RNF150: variants seen among roughly 807,000 people sequenced by gnomAD.
RNF150 encodes ring finger protein 150.
RNF150 carries 24 observed loss-of-function variants against 39.3 expected under a neutral mutation model. The observed-to-expected ratio is 0.61, with a 90% CI of 0.44 to 0.86. The LOEUF (loss-of-function observed/expected upper bound fraction) is 0.86. RNF150 is among the 40% of genes least tolerant of loss of function. The probability of loss-of-function intolerance (pLI) is 0.00; values close to 1 mark genes in which losing one functional copy is unlikely to be tolerated. For synonymous variants in RNF150, 255 were observed against 227.3 expected, an observed-to-expected ratio of 1.12 and a Z score of -1.10; for missense variants, 502 against 587.8, an observed-to-expected ratio of 0.85 and a Z score of 1.51.
At chr4:141,127,406 C>T (rs1208609042) in intron 1 of RNF150, among the ~76,000 whole-genome samples, 1 of 152,120 alleles carries the variant, frequency 6.6e-6, no homozygotes, top group African/African-American at 2.4e-5. Flanking sequence ...CAAAAGTACA[C>T]ATAAATATTC....
In RNF150 at chr4:141,000,001, A is replaced by C. The variant is rs1466139681; in HGVS notation, c.485-32128T>G. ...AAAAGAAGAAAAGAAGAAAAGAAGA[A>C]GAAGAAGAAGAAGAAGAAGAAGAAG... On this transcript the variant is annotated intron_variant, in intron 1 of 6. Coordinates refer to ENST00000515673, the MANE Select transcript of RNF150 (RefSeq NM_020724.2). 1.6e-4 allele frequency among the ~76,000 whole-genome samples: 5 copies of C among 30,362 alleles called. 1 individual carries two copies. Among genetic ancestry groups the C allele is most frequent in the Admixed American group, 7.8e-4 (2 of 2,576 alleles). The allele number at this position is 30,362 out of a possible 152,430, so 19.9% of individuals were successfully genotyped here. A position where few individuals can be genotyped will look rare whatever the true frequency, so the allele number is the denominator to read the frequency against.
At chr4:141,118,559 A>G (rs560947824) in intron 1 of RNF150, among the ~76,000 whole-genome samples, 7 of 152,264 alleles carry the variant, frequency 4.6e-5, no homozygotes, top group African/African-American at 1.2e-4. Flanking sequence ...CTGGGCCCCA[A>G]TCAGGCCCAA....
Position 140,865,352 on chromosome 4 carries a change from T to C in RNF150, c.*2909A>G, listed in dbSNP as rs1348865326. ...GTTGGACAGTGCTAGTCTAGACTCT[T>C]GCTATAGAAAAATGCACATCTGCAA... On this transcript the variant is annotated 3_prime_UTR_variant, in exon 7 of 7. Coordinates refer to ENST00000515673, the MANE Select transcript of RNF150 (RefSeq NM_020724.2). 6.6e-6 allele frequency: 1 copy of C among 152,454 alleles called. No individual in the cohort carries two copies. The allele number at this position is 152,454 out of a possible 1,614,324, so 9.4% of individuals were successfully genotyped here. A position where few individuals can be genotyped will look rare whatever the true frequency, so the allele number is the denominator to read the frequency against.
chr4:140,898,577 G>T lies in RNF150; in HGVS notation c.1198+12567C>A, dbSNP rs566957495. On this transcript the variant is annotated intron_variant, in intron 6 of 6. Transcript: ENST00000515673. ...GTTATAGGTTTATGTTCCTACATAG[G>T]TGCATGGGCACACTTGGTATACAGA... 3.9e-5 allele frequency among the ~76,000 whole-genome samples: 6 copies of T among 152,320 alleles called. No homozygotes were observed. The East Asian group carries it at 1.2e-3, about 29-fold the overall frequency.
intron 1 of RNF150, among the ~76,000 whole-genome samples, chr4:141,060,665 C>T (rs1231333907): frequency 6.6e-6 from 1 of 152,008 alleles, no homozygotes; most frequent in Non-Finnish European, 1.5e-5. Flanking sequence ...ATATGAAAAA[C>T]CCCTACTATA....
intron 1 of RNF150, among the ~76,000 whole-genome samples, chr4:141,147,781 C>T (rs1211404651): frequency 6.6e-6 from 1 of 152,080 alleles, no homozygotes; most frequent in Non-Finnish European, 1.5e-5. Flanking sequence ...AGGCAGATTT[C>T]AGAGGGGAGG....
intron 1 of RNF150, among the ~76,000 whole-genome samples, chr4:141,188,146 C>G (rs1728045306): frequency 6.6e-6 from 1 of 152,278 alleles, no homozygotes; most frequent in East Asian, 1.9e-4. Flanking sequence ...GTTGAAAATT[C>G]TTTTCTTTAA....
intron 1 of RNF150, among the ~76,000 whole-genome samples, chr4:141,014,958 A>C (rs1352585492): frequency 6.6e-6 from 1 of 151,710 alleles, no homozygotes; most frequent in Admixed American, 6.6e-5. Flanking sequence ...TTCAGGTTTT[A>C]TATTTAAGTT....
intron 1 of RNF150, among the ~76,000 whole-genome samples, chr4:141,181,915 C>A (rs1560771092): frequency 6.6e-6 from 1 of 152,096 alleles, no homozygotes. Flanking sequence ...TTGGGATGTA[C>A]CTTGACTGGT....
intron 1 of RNF150, among the ~76,000 whole-genome samples, chr4:141,029,935 G>A (rs1035016230): frequency 8.5e-5 from 13 of 152,152 alleles, no homozygotes; most frequent in Non-Finnish European, 1.6e-4. Flanking sequence ...GGTGGCTCAC[G>A]CCTGTAATCT....
At chr4:141,152,050 C>T (rs968600612) in intron 1 of RNF150, among the ~76,000 whole-genome samples, 3 of 152,058 alleles carry the variant, frequency 2.0e-5, no homozygotes, top group Non-Finnish European at 4.4e-5. Flanking sequence ...ATAAAATTGT[C>T]ATTTGATCAA....
At chr4:141,036,049 C>T (rs1413527405) in intron 1 of RNF150, among the ~76,000 whole-genome samples, 2 of 152,040 alleles carry the variant, frequency 1.3e-5, no homozygotes, top group Admixed American at 1.3e-4. Context: ...GCCAGGAGGG[C>T]CTTTATGACT....
chr4:141,053,933 T>C (rs1036240602), intron 1 of RNF150, among the ~76,000 whole-genome samples: 8 of 152,154 alleles, frequency 5.3e-5, no homozygotes, highest in African/African-American at 1.9e-4. Flanking sequence ...AGAATTGAGA[T>C]GTCCTATATT....
intron 1 of RNF150, among the ~76,000 whole-genome samples, chr4:141,204,845 T>G (rs997697829): frequency 1.3e-5 from 2 of 152,216 alleles, no homozygotes; most frequent in African/African-American, 2.4e-5. Context: ...TATGCAAATC[T>G]TATCTCAGCA....
chr4:141,130,865 G>A (rs1322700868), intron 1 of RNF150, among the ~76,000 whole-genome samples: 1 of 152,224 alleles, frequency 6.6e-6, no homozygotes, highest in Non-Finnish European at 1.5e-5. Flanking sequence ...CAAGGTGAGA[G>A]CACAATCTTT....
chr4:141,081,557 A>G (rs941814637), intron 1 of RNF150, among the ~76,000 whole-genome samples: 1 of 152,210 alleles, frequency 6.6e-6, no homozygotes, highest in Non-Finnish European at 1.5e-5. Flanking sequence ...TTGCATTTTT[A>G]TCTTCCAAAA....
intron 6 of RNF150, among the ~76,000 whole-genome samples, chr4:140,909,811 A>T (rs1730523097): frequency 6.6e-6 from 1 of 152,190 alleles, no homozygotes; most frequent in Non-Finnish European, 1.5e-5. Context: ...ATACCTATAA[A>T]AGTCAAGTTT....
intron 1 of RNF150, among the ~76,000 whole-genome samples, chr4:141,173,836 C>T (rs1304035499): frequency 6.6e-6 from 1 of 152,128 alleles, no homozygotes; most frequent in East Asian, 1.9e-4. Context: ...AGAAATATTT[C>T]AAGTAAAAAG....
intron 1 of RNF150, among the ~76,000 whole-genome samples, chr4:141,051,915 A>G (rs890229591): frequency 3.9e-5 from 6 of 152,144 alleles, no homozygotes; most frequent in African/African-American, 1.4e-4. Flanking sequence ...ATAAAGACAT[A>G]CCTGAGGCTG....
Sources: gnomAD v4.1 joint callset for allele counts (sites outside exome capture counted in the v4.1 genomes callset) on GRCh38, gnomAD v4.1.1 for gene constraint, MANE v1.5 for transcripts, NCBI Gene and HGNC (gene_info 2026-07-23, HGNC 2026-07-21) for gene names.